Variants in KLHL32 observed in about 807,000 individuals in gnomAD.
The protein encoded by KLHL32 is kelch like family member 32, also known as kelch-like protein 32.
KLHL32 carries 35 observed loss-of-function variants against 64.8 expected under a neutral mutation model. The ratio of observed to expected loss-of-function variants is 0.54; its 90% CI spans 0.41 to 0.72. The LOEUF (loss-of-function observed/expected upper bound fraction) is 0.72, where lower values mean the gene tolerates loss of function less well. KLHL32 is among the 30% of genes least tolerant of loss of function. The pLI, the probability that KLHL32 is intolerant of heterozygous loss-of-function variation, is 0.00. For missense variants in KLHL32, 589 were observed against 768.5 expected, an observed-to-expected ratio of 0.77 and a Z score of 2.76; for synonymous variants, 259 against 281.0, an observed-to-expected ratio of 0.92 and a Z score of 0.78.
At chr6:97,040,425 G>A (rs1784943390) in intron 3 of KLHL32, among the ~76,000 whole-genome samples, 1 of 152,090 alleles carries the variant, frequency 6.6e-6, no homozygotes, top group Admixed American at 6.6e-5. Flanking sequence ...TGGAGAATTG[G>A]TTGGGGGCAA....
intron 3 of KLHL32, among the ~76,000 whole-genome samples, chr6:96,997,302 C>T (rs978255033): frequency 3.9e-5 from 6 of 152,106 alleles, no homozygotes; most frequent in Non-Finnish European, 8.8e-5. Flanking sequence ...CTTCATTCTC[C>T]CTGTTGCTAT....
At chr6:97,113,521 C>A (rs908636281) in intron 6 of KLHL32, among the ~76,000 whole-genome samples, 4 of 152,110 alleles carry the variant, frequency 2.6e-5, no homozygotes, top group African/African-American at 7.2e-5. Context: ...ACTGTTCACC[C>A]CAAATGGTAT....
chr6:97,002,591 C>T (rs1049748897), intron 3 of KLHL32, among the ~76,000 whole-genome samples: 4 of 152,114 alleles, frequency 2.6e-5, no homozygotes, highest in South Asian at 2.1e-4. Context: ...AAGCGTAGTA[C>T]GCTATAGGTG....
intron 5 of KLHL32, among the ~76,000 whole-genome samples, chr6:97,080,970 G>A (rs904712403): frequency 2.0e-5 from 3 of 152,138 alleles, no homozygotes; most frequent in African/African-American, 4.8e-5. Context: ...TCTTTGGCTT[G>A]GAGCATCTCC....
the KLHL32 span, among the ~76,000 whole-genome samples, chr6:96,904,549 T>A: frequency 2.0e-5 from 3 of 152,182 alleles, no homozygotes; most frequent in Non-Finnish European, 4.4e-5. Flanking sequence ...AAAGTCTGAA[T>A]AGTGTAAAAA....
intron 3 of KLHL32, among the ~76,000 whole-genome samples, chr6:97,019,266 C>T (rs1433822591): frequency 6.6e-6 from 1 of 152,140 alleles, no homozygotes; most frequent in African/African-American, 2.4e-5. Context: ...ATTTGCGTTC[C>T]TTGGGAAGTA....
intron 4 of KLHL32, among the ~76,000 whole-genome samples, chr6:97,059,839 A>G (rs1046710621): frequency 2.0e-5 from 3 of 152,194 alleles, no homozygotes; most frequent in Non-Finnish European, 4.4e-5. Context: ...TGTTGTATCC[A>G]GTTCATTTGA....
At chr6:96,930,102 A>T (rs1302171306) in intron 1 of KLHL32, among the ~76,000 whole-genome samples, 1 of 152,114 alleles carries the variant, frequency 6.6e-6, no homozygotes, top group Non-Finnish European at 1.5e-5. Flanking sequence ...CCCGTTTGTT[A>T]TACAAGATAT....
chr6:97,101,745 A>G (rs1451766091), intron 6 of KLHL32, among the ~76,000 whole-genome samples: 1 of 152,232 alleles, frequency 6.6e-6, no homozygotes, highest in Non-Finnish European at 1.5e-5. Flanking sequence ...GAGCTAGTTT[A>G]TAATCTGTTG....
intron 1 of KLHL32, among the ~76,000 whole-genome samples, chr6:96,932,706 A>G (rs1310246088): frequency 6.6e-6 from 1 of 151,894 alleles, no homozygotes. Flanking sequence ...AGTTGGAACT[A>G]TAGGTGTGTA....
Position 97,043,705 on chromosome 6 carries a change from A to G in KLHL32, c.312+2106A>G, listed in dbSNP as rs139961416. ...ACAGTGCACAAAGGTTTTTCTCCACACCCTCATCAATACTTGTTATCGATT... is the reference window on the plus strand; with the variant it reads ...ACAGTGCACAAAGGTTTTTCTCCACGCCCTCATCAATACTTGTTATCGATT... On this transcript the variant is annotated intron_variant, in intron 4 of 10. Transcript: ENST00000369261. Among the ~76,000 whole-genome samples the G allele has an allele frequency of 6.6e-5, 10 of 151,688 alleles. No individual in the cohort carries two copies. In the East Asian group the frequency reaches 1.9e-3, roughly 29 times the overall value.
chr6:96,931,789 C>T (rs907847973), intron 1 of KLHL32, among the ~76,000 whole-genome samples: 7 of 152,080 alleles, frequency 4.6e-5, no homozygotes, highest in Non-Finnish European at 1.0e-4. Context: ...TGTAGATTCT[C>T]AGCTGAAAAA....
At chr6:97,032,946 A>G (rs777481761) in intron 3 of KLHL32, among the ~76,000 whole-genome samples, 1 of 136,650 alleles carries the variant, frequency 7.3e-6, no homozygotes, top group South Asian at 2.3e-4. Flanking sequence ...TTTTTTTTTT[A>G]TCTATAGCCA....
intron 10 of KLHL32, among the ~76,000 whole-genome samples, chr6:97,137,565 C>T (rs1800171182): frequency 6.6e-6 from 1 of 152,006 alleles, no homozygotes; most frequent in Non-Finnish European, 1.5e-5. Flanking sequence ...GACGGAGTAT[C>T]ACTCTGTCGC....
At chr6:97,136,825 G>GGTT in intron 10 of KLHL32, among the ~76,000 whole-genome samples, 1 of 152,246 alleles carries the variant, frequency 6.6e-6, no homozygotes, top group Non-Finnish European at 1.5e-5. Flanking sequence ...AACATATGCA[G>GGTT]TCTCTGTTGG....
intron 4 of KLHL32, among the ~76,000 whole-genome samples, chr6:97,055,689 T>C (rs528693541): frequency 1.3e-5 from 2 of 150,836 alleles, no homozygotes; most frequent in East Asian, 3.9e-4. Context: ...TCCCAGCTAG[T>C]TGAGAGGTTG....
chr6:97,111,865 TC>T (rs1474002074), intron 6 of KLHL32, among the ~76,000 whole-genome samples: 6 of 152,086 alleles, frequency 3.9e-5, no homozygotes, highest in Non-Finnish European at 8.8e-5. Flanking sequence ...AGTCTGGCCA[TC>T]CCCTGTTGGA....
At chr6:97,085,945 T>C (rs982027352) in intron 6 of KLHL32, among the ~76,000 whole-genome samples, 5 of 152,196 alleles carry the variant, frequency 3.3e-5, no homozygotes, top group East Asian at 3.9e-4. Context: ...GACAGGAGGA[T>C]GTTTTGTGGT....
intron 3 of KLHL32, among the ~76,000 whole-genome samples, chr6:96,981,786 T>G (rs1776343817): frequency 6.6e-6 from 1 of 152,194 alleles, no homozygotes; most frequent in East Asian, 1.9e-4. Flanking sequence ...ATTTTTTGAC[T>G]TCTACCTTAA....
Sources: allele counts gnomAD v4.1 joint callset (sites outside exome capture counted in the v4.1 genomes callset), GRCh38; gene constraint gnomAD v4.1.1; transcripts MANE v1.5; gene names NCBI Gene and HGNC (gene_info 2026-07-23, HGNC 2026-07-21).